LIN54: variants seen among roughly 807,000 people sequenced by gnomAD.
LIN54 encodes the protein lin-54 DREAM MuvB core complex component, also known as protein lin-54 homolog.
LIN54 carries 9 observed loss-of-function variants against 78.7 expected under a neutral mutation model. The observed-to-expected ratio is 0.11, with a 90% CI of 0.07 to 0.20. The LOEUF (loss-of-function observed/expected upper bound fraction) is 0.20. Ranked by LOEUF, LIN54 falls within the 10% of genes least tolerant of loss-of-function variation. LIN54 has a pLI of 1.00. For missense variants in LIN54, 573 were observed against 889.9 expected (o/e 0.64, Z 4.53); for synonymous variants, 269 against 318.4 (o/e 0.84, Z 1.65).
chr4:82,984,685 C>A lies in LIN54; in HGVS notation c.160G>T (p.Gly54Cys), dbSNP rs755333011. Residue 54 changes from glycine (G) to cysteine (C), a missense_variant, in exon 2 of 13, where the codon GGT (glycine) becomes TGT (cysteine). Gly to Cys is a radical substitution (Grantham distance 159). Transcript: ENST00000340417. ...LEEIVNINST[G>C]DSTATPISTE... ...GAAATGGGCGTGGCTGTAGAGTCAC[C>A]AGTAGAATTTATGTTGACAATTTCT... The A allele has an allele frequency of 6.2e-7, 1 of 1,614,114 alleles. No homozygotes were observed. The highest frequency in any genetic ancestry group is 8.5e-7 in the Non-Finnish European group (1 of 1,180,028).
chr4:82,973,254 G>A (rs368009995), intron 3 of LIN54, among the ~76,000 whole-genome samples: 1 of 152,052 alleles, frequency 6.6e-6, no homozygotes, highest in African/African-American at 2.4e-5. Flanking sequence ...AAATTATGTC[G>A]ATAATGATAA....
intron 1 of LIN54, among the ~76,000 whole-genome samples, chr4:83,001,402 T>C (rs1163670696): frequency 4.0e-5 from 6 of 151,734 alleles, no homozygotes; most frequent in Non-Finnish European, 7.4e-5. Context: ...ATTTAAAAGT[T>C]AGCCAGGTGT....
chr4:82,936,214 T>C (rs1328171303), intron 10 of LIN54, 65 bp downstream of exon 10: 10 of 1,546,020 alleles, frequency 6.5e-6, no homozygotes, highest in African/African-American at 4.1e-5. Flanking sequence ...TGCAAGACAA[T>C]TGAGTTTTAT....
At chr4:83,005,035 C>T (rs1578670448) in intron 1 of LIN54, among the ~76,000 whole-genome samples, 2 of 152,228 alleles carry the variant, frequency 1.3e-5, no homozygotes, top group East Asian at 3.9e-4. Flanking sequence ...GCTGGCATTA[C>T]AGGCACCCAC....
chr4:82,935,891 G>T (rs1269716291), intron 11 of LIN54, 90 bp downstream of exon 11: 1 of 1,295,622 alleles, frequency 7.7e-7, no homozygotes, highest in East Asian at 2.3e-5. Context: ...CAATAGCAAG[G>T]TGATTTCCCA....
chr4:83,008,509 C>T (rs1292762570), intron 1 of LIN54, among the ~76,000 whole-genome samples: 3 of 151,946 alleles, frequency 2.0e-5, no homozygotes, highest in African/African-American at 7.3e-5. Flanking sequence ...AAAATTAGCC[C>T]GGCGTGGTGG....
At chr4:83,006,972 T>C (rs773338768) in intron 1 of LIN54, among the ~76,000 whole-genome samples, 1 of 151,962 alleles carries the variant, frequency 6.6e-6, no homozygotes. Flanking sequence ...AAACCCCGTC[T>C]CTACTAAAAA....
chr4:82,996,723 CATAAA>C (rs1220416658), intron 1 of LIN54, among the ~76,000 whole-genome samples: 4 of 151,862 alleles, frequency 2.6e-5, no homozygotes, highest in African/African-American at 2.4e-5. Flanking sequence ...ATTTTTAGTT[CATAAA>C]ATAAAAGTTC....
intron 4 of LIN54, among the ~76,000 whole-genome samples, chr4:82,947,235 AT>A (rs34511957): frequency 1.1e-4 from 5 of 44,292 alleles, no homozygotes; most frequent in African/African-American, 5.0e-4. Flanking sequence ...ATATATATAT[AT>A]TTTTTTTTTT....
intron 2 of LIN54, among the ~76,000 whole-genome samples, chr4:82,980,140 T>C (rs1726513387): frequency 6.6e-6 from 1 of 152,026 alleles, no homozygotes; most frequent in Non-Finnish European, 1.5e-5. Flanking sequence ...ACTGTTGACC[T>C]GAATTATAAT....
At chr4:82,967,464 G>T (rs80099949) in intron 4 of LIN54, among the ~76,000 whole-genome samples, 103 of 152,320 alleles carry the variant, frequency 6.8e-4, no homozygotes, top group Non-Finnish European at 1.3e-3. Context: ...AGTTAGGCAA[G>T]CTGCACTTTT....
chr4:82,958,964 A>C (rs1724569761), intron 4 of LIN54, among the ~76,000 whole-genome samples: 1 of 152,226 alleles, frequency 6.6e-6, no homozygotes, highest in African/African-American at 2.4e-5. Context: ...AGCCTCCCAA[A>C]GTGCTGGAAT....
intron 1 of LIN54, among the ~76,000 whole-genome samples, chr4:82,987,612 T>C (rs780922225): frequency 4.6e-5 from 7 of 152,096 alleles, no homozygotes; most frequent in Non-Finnish European, 1.0e-4. Context: ...CTCCCACTTA[T>C]AAGTGAGAAC....
intron 4 of LIN54, among the ~76,000 whole-genome samples, chr4:82,951,223 T>C (rs951205994): frequency 2.6e-5 from 4 of 152,114 alleles, no homozygotes; most frequent in African/African-American, 9.7e-5. Flanking sequence ...ACATGACCAA[T>C]GACAGTGAAT....
intron 3 of LIN54, among the ~76,000 whole-genome samples, chr4:82,973,175 GA>G (rs947323725): frequency 5.3e-5 from 8 of 151,910 alleles, no homozygotes; most frequent in Non-Finnish European, 7.4e-5. Context: ...GATGAACAAA[GA>G]AAAAAATCAG....
rs934005642 is a variant in LIN54 at position 82,996,360 on chromosome 4, G to C, written c.-32-11484C>G. 3.5e-4 allele frequency among the ~76,000 whole-genome samples: 53 copies of C among 152,068 alleles called. 1 individual carries two copies. Among genetic ancestry groups the C allele is most frequent in the African/African-American group, 1.0e-3 (43 of 41,440 alleles). On this transcript the variant is annotated intron_variant, in intron 1 of 12. Transcript: ENST00000340417. ...AGGCGTTACCTGTGAAGGTATGGTA[G>C]AGAAAGAATCCAGAACATACAATGC...
intron 4 of LIN54, among the ~76,000 whole-genome samples, chr4:82,968,161 G>C (rs1044945264): frequency 1.3e-5 from 2 of 151,866 alleles, no homozygotes; most frequent in Non-Finnish European, 2.9e-5. Context: ...TCCTGCCTCA[G>C]CCTCCCGAGT....
intron 1 of LIN54, among the ~76,000 whole-genome samples, chr4:82,999,121 A>C (rs963047992): frequency 4.6e-5 from 7 of 152,166 alleles, no homozygotes; most frequent in African/African-American, 1.4e-4. Context: ...TCCTTCCAGT[A>C]AATTGTGTAT....
At position 82,998,063 on chromosome 4, in the gene LIN54, C is replaced by T. The variant is rs542132346; in HGVS notation, c.-33+12421G>A. Among the ~76,000 whole-genome samples the T allele has an allele frequency of 1.9e-4, 25 of 132,380 alleles. 1 individual carries two copies. The highest frequency in any genetic ancestry group is 3.7e-4 in the Non-Finnish European group (22 of 60,144). 86.8% of individuals were successfully genotyped at this position (132,380 alleles called of 152,430 possible). A position where few individuals can be genotyped will look rare whatever the true frequency, so the allele number is the denominator to read the frequency against. On this transcript the variant is annotated intron_variant, in intron 1 of 12. Coordinates refer to ENST00000340417, the MANE Select transcript of LIN54 (RefSeq NM_194282.4). Reference sequence around the variant, plus strand: ...ACACACACGTATATATATATATACACGTATATATATATATACTAAATGACA... The same window carrying T: ...ACACACACGTATATATATATATACATGTATATATATATATACTAAATGACA...
Sources: gnomAD v4.1 joint callset for allele counts (sites outside exome capture counted in the v4.1 genomes callset) on GRCh38, gnomAD v4.1.1 for gene constraint, MANE v1.5 for transcripts, NCBI Gene and HGNC (gene_info 2026-07-23, HGNC 2026-07-21) for gene names.